Variants in TMEM44 observed in about 807,000 individuals in gnomAD.
TMEM44 encodes transmembrane protein 44.
A neutral mutation model predicts 47.8 loss-of-function variants in TMEM44; 43 were observed. The ratio of observed to expected loss-of-function variants is 0.90; its 90% CI spans 0.70 to 1.16. The LOEUF (loss-of-function observed/expected upper bound fraction) is 1.16. Among genes scored for constraint, TMEM44 ranks in the 50% most tolerant of loss-of-function variants. The pLI, the probability that TMEM44 is intolerant of heterozygous loss-of-function variation, is 0.00. For synonymous variants in TMEM44, 277 were observed against 238.8 expected (o/e 1.16, Z -1.48); for missense variants, 568 against 555.2 (o/e 1.02, Z -0.23).
At chr3:194,610,891 C>T in intron 8 of TMEM44, 25 bp downstream of exon 8, 1 of 1,596,458 alleles carries the variant, frequency 6.3e-7, no homozygotes, top group Non-Finnish European at 8.6e-7. Context: ...TCTCAGACAC[C>T]TGGCCATGAC....
At position 194,610,903 on chromosome 3, in the gene TMEM44, G is replaced by A. The variant is rs367650611; in HGVS notation, c.1017+13C>T. The A allele has an allele frequency of 2.5e-6, 4 of 1,607,674 alleles. No homozygotes were observed. The highest frequency in any genetic ancestry group is 1.7e-4 in the Middle Eastern group (1 of 6,026). On this transcript the variant is annotated intron_variant, in intron 8 of 9. Coordinates refer to ENST00000347147, the MANE Select transcript of TMEM44 (RefSeq NM_001011655.3). Reference sequence around the variant, plus strand: ...TCCTCTCAGACACCTGGCCATGACCGATGGCCACTCACCTGCTGCACAGGC... The same window carrying A: ...TCCTCTCAGACACCTGGCCATGACCAATGGCCACTCACCTGCTGCACAGGC...
rs776223362 is a variant in TMEM44 at position 194,628,382 on chromosome 3, C to T, written c.264+1G>A. On this transcript the variant is annotated splice_donor_variant, in intron 2 of 9. Transcript: ENST00000347147. LOFTEE classifies it high-confidence loss of function. ...CACTGTCAGCTGGAGGCCCAACATA[C>T]CTGGATTGTGAGCTGTCTGGCCAGA... is the stretch of plus-strand genomic sequence containing the variant. 6.2e-7 allele frequency: 1 copy of T among 1,610,156 alleles called. No individual in the cohort carries two copies. The highest frequency in any genetic ancestry group is 1.7e-5 in the Admixed American group (1 of 59,480).
chr3:194,633,019 C>G, intron 1 of TMEM44, 60 bp downstream of exon 1: 5 of 1,516,840 alleles, frequency 3.3e-6, no homozygotes, highest in Non-Finnish European at 4.4e-6. Context: ...CGAGAGGGAG[C>G]AGCAGGGGAT....
At chr3:194,617,721 A>G (rs1183388359) in intron 5 of TMEM44, 1 of 703,960 alleles carries the variant, frequency 1.4e-6, no homozygotes, top group Non-Finnish European at 2.6e-6. Flanking sequence ...TGGTTTGGAC[A>G]TTTGTCCCCG....
chr3:194,617,299 G>GGGGGGGGGGGGGC, intron 5 of TMEM44, 30 bp from the exon 6 acceptor site: 1 of 619,744 alleles, frequency 1.6e-6, no homozygotes, highest in Non-Finnish European at 2.7e-6. Flanking sequence ...GGCTGGGCGG[G>GGGGGGGGGGGGGC]AGAAGCAGCA....
In TMEM44 at chr3:194,623,001, G is replaced by A. The variant is rs115181336; in HGVS notation, c.612+223C>T. The A allele has an allele frequency of 1.9e-3, 905 of 469,164 alleles. 5 individuals carry two copies. Among genetic ancestry groups the A allele is most frequent in the African/African-American group, 0.017 (804 of 48,432 alleles). The allele number at this position is 469,164 out of a possible 1,614,324, so 29.1% of individuals were successfully genotyped here. Reference sequence around the variant, plus strand: ...GGGGAAGAACACACGGGCTTTCCCCGAGAGGCTCCCGCCGTCCTCAGGACG... The same window carrying A: ...GGGGAAGAACACACGGGCTTTCCCCAAGAGGCTCCCGCCGTCCTCAGGACG... On this transcript the variant is annotated intron_variant, in intron 5 of 9. Coordinates refer to ENST00000347147, the MANE Select transcript of TMEM44 (RefSeq NM_001011655.3).
intron 9 of TMEM44, chr3:194,588,876 C>T: frequency 1.9e-6 from 1 of 524,236 alleles, no homozygotes; most frequent in South Asian, 2.2e-5. Flanking sequence ...CTTCACTTTC[C>T]TTCCCGCCCT....
intron 7 of TMEM44, among the ~76,000 whole-genome samples, chr3:194,612,588 G>A (rs1445467807): frequency 6.7e-6 from 1 of 148,894 alleles, no homozygotes; most frequent in Non-Finnish European, 1.5e-5. Flanking sequence ...AGGTAGTGAA[G>A]AGCCCAGGTA....
At chr3:194,602,611 A>AG (rs1714274664) in intron 9 of TMEM44, among the ~76,000 whole-genome samples, 2 of 151,668 alleles carry the variant, frequency 1.3e-5, no homozygotes, top group Admixed American at 1.3e-4. Flanking sequence ...TCAAAAAAAA[A>AG]AAAGAAGGAA....
chr3:194,604,953 T>C (rs887893920), intron 8 of TMEM44, among the ~76,000 whole-genome samples: 1 of 152,216 alleles, frequency 6.6e-6, no homozygotes, highest in Non-Finnish European at 1.5e-5. Context: ...AGAGGCGGAA[T>C]TGCTGGATTA....
chr3:194,591,028 T>G (rs968712142), intron 9 of TMEM44, among the ~76,000 whole-genome samples: 1 of 151,546 alleles, frequency 6.6e-6, no homozygotes, highest in African/African-American at 2.4e-5. Flanking sequence ...ACCCCGTCTC[T>G]ACCAAAAATA....
At chr3:194,597,131 C>T (rs1268314364) in intron 9 of TMEM44, 2 of 152,634 alleles carry the variant, frequency 1.3e-5, no homozygotes, top group Non-Finnish European at 2.9e-5. Context: ...CAGGACTGCA[C>T]TGGCTCCAGG....
intron 9 of TMEM44, 72 bp from the exon 10 acceptor site, chr3:194,588,711 C>T: frequency 7.0e-7 from 1 of 1,430,258 alleles, no homozygotes; most frequent in Non-Finnish European, 9.8e-7. Context: ...AACCCCTGAC[C>T]CAAACAAAAG....
In TMEM44 at chr3:194,599,629, GGCTGGAAT is replaced by G. The variant is rs559644970; in HGVS notation, c.1176+4650_1176+4657del. On this transcript the variant is annotated intron_variant, in intron 9 of 9. Transcript: ENST00000347147. ...AGACAGAGTCTCGTTCTATTGTCCAGGCTGGAATGCGGTGGCTTGATCTTGACTCACTG... is the reference window on the plus strand; with the variant it reads ...AGACAGAGTCTCGTTCTATTGTCCAGGCGGTGGCTTGATCTTGACTCACTG... Among the ~76,000 whole-genome samples the G allele has an allele frequency of 8.4e-5, 12 of 143,176 alleles. No homozygotes were observed. In the East Asian group the frequency reaches 2.0e-3, roughly 24 times the overall value. 93.9% of individuals were successfully genotyped at this position (143,176 alleles called of 152,430 possible). A position where few individuals can be genotyped will look rare whatever the true frequency, so the allele number is the denominator to read the frequency against.
At chr3:194,593,135 G>T in intron 9 of TMEM44, 1 of 1,568,116 alleles carries the variant, frequency 6.4e-7, no homozygotes, top group Non-Finnish European at 8.8e-7. Flanking sequence ...TCCCACAGCA[G>T]AGCAGAGCTC....
At chr3:194,615,455 G>A in intron 7 of TMEM44, 114 bp downstream of exon 7, 1 of 1,440,774 alleles carries the variant, frequency 6.9e-7, no homozygotes, top group Non-Finnish European at 9.3e-7. Flanking sequence ...CGCCTGCAGA[G>A]AACACTCGGC....
At chr3:194,593,638 G>A (rs935790009) in intron 9 of TMEM44, among the ~76,000 whole-genome samples, 8 of 152,044 alleles carry the variant, frequency 5.3e-5, no homozygotes, top group Non-Finnish European at 1.0e-4. Context: ...GCAGCGCCTG[G>A]GAAACATATG....
chr3:194,624,103 G>A (rs990291194), intron 3 of TMEM44, among the ~76,000 whole-genome samples: 2 of 152,200 alleles, frequency 1.3e-5, no homozygotes, highest in African/African-American at 4.8e-5. Flanking sequence ...GTGAATCAGC[G>A]ATGGCACCAG....
chr3:194,630,842 T>C (rs1420554817), intron 1 of TMEM44, among the ~76,000 whole-genome samples: 66 of 119,254 alleles, frequency 5.5e-4, no homozygotes, highest in African/African-American at 1.3e-3. Context: ...TGATAGGGCC[T>C]CTGAAATAAT....
Sources: gnomAD v4.1 joint callset for allele counts (sites outside exome capture counted in the v4.1 genomes callset) on GRCh38, gnomAD v4.1.1 for gene constraint, MANE v1.5 for transcripts, NCBI Gene and HGNC (gene_info 2026-07-23, HGNC 2026-07-21) for gene names.